The following NCOR1 variants were observed in gnomAD, a reference collection of about 807,000 sequenced individuals.
NCOR1 encodes the protein nuclear receptor corepressor 1, also known as protein phosphatase 1, regulatory subunit 109.
In NCOR1, 63 loss-of-function variants were observed where a neutral mutation model predicts 288.1. The observed-to-expected ratio is 0.22, with a 90% CI of 0.18 to 0.27. NCOR1 has a LOEUF of 0.27. Among genes scored for constraint, NCOR1 ranks in the 10% least tolerant of loss-of-function variants. The pLI is 1.00. For synonymous variants in NCOR1, 1,007 were observed against 1,065.9 expected, an observed-to-expected ratio of 0.94 and a Z score of 1.08; for missense variants, 2,397 against 3,019.2, an observed-to-expected ratio of 0.79 and a Z score of 4.83.
intron 8 of NCOR1, 123 bp downstream of exon 8, chr17:16,151,823 A>G: frequency 1.0e-6 from 1 of 971,368 alleles, no homozygotes; most frequent in Non-Finnish European, 1.6e-6. Context: ...AAACGACAGC[A>G]AATTACACAA....
chr17:16,092,198 A>C (rs2065280373), intron 21 of NCOR1, 140 bp from the exon 22 acceptor site: 2 of 1,110,036 alleles, frequency 1.8e-6, no homozygotes, highest in East Asian at 5.2e-5. Context: ...TATCTTCAAG[A>C]ATAATGCTTA....
intron 10 of NCOR1, among the ~76,000 whole-genome samples, chr17:16,145,885 A>T (rs559442444): frequency 1.3e-5 from 2 of 152,256 alleles, no homozygotes; most frequent in African/African-American, 4.8e-5. Context: ...GTAGAGGGAG[A>T]TCAGATTGTT....
Position 16,165,048 on chromosome 17 carries a change from C to T in NCOR1, c.549G>A (p.Gln183=), listed in dbSNP as rs76375524. Reference sequence around the variant, plus strand: ...TTTCTCGATCTACACGATCCATACTCTGTATTAACTCTTCCTTTGAGAGTT... The same window carrying T: ...TTTCTCGATCTACACGATCCATACTTTGTATTAACTCTTCCTTTGAGAGTT... ...PSKLSKEELI[Q]SMDRVDREIA... Residue 183 remains glutamine (Q), a synonymous_variant, in exon 5 of 46, where the codon CAG becomes CAA. Transcript: ENST00000268712. 1 of 1,608,028 alleles carries T rather than the reference C, an allele frequency of 6.2e-7. No individual in the cohort carries two copies. The highest frequency in any genetic ancestry group is 8.5e-7 in the Non-Finnish European group (1 of 1,178,270).
chr17:16,070,360 C>G lies in NCOR1; in HGVS notation c.4318G>C (p.Ala1440Pro), dbSNP rs2061607250. The change falls in exon 31 of 46, where the codon GCA becomes CCA. Residue 1440 changes from alanine (A) to proline (P), a missense_variant. By Grantham distance (27) the Ala-to-Pro change is conservative (BLOSUM62 -1). Transcript: ENST00000268712. ...TGCCGGGAACGCACGGTCTCGCCTGCTTTCACATCCTCATATTTTCCCCGT... is the reference window on the plus strand; with the variant it reads ...TGCCGGGAACGCACGGTCTCGCCTGGTTTCACATCCTCATATTTTCCCCGT... ...VERGKYEDVK[A>P]GETVRSRHTS... 6.2e-7 allele frequency: 1 copy of G among 1,614,042 alleles called. No individual in the cohort carries two copies. The highest frequency in any genetic ancestry group is 1.3e-5 in the African/African-American group (1 of 74,900).
Position 16,149,486 on chromosome 17 carries a change from A to G in NCOR1, c.874T>C (p.Phe292Leu). The G allele has an allele frequency of 2.6e-6, 4 of 1,566,848 alleles. No individual in the cohort carries two copies. Among genetic ancestry groups the G allele is most frequent in the Non-Finnish European group, 3.5e-6 (4 of 1,149,170 alleles). The change falls in exon 9 of 46, where the codon TTT becomes CTT. Residue 292 changes from phenylalanine to leucine, a missense_variant. Physicochemically the swap from Phe to Leu is conservative, Grantham distance 22 (BLOSUM62 0). Around this residue, in one of 11 missense-constraint regions of NCOR1, gnomAD observed 51 missense variants for 127.6 expected, o/e 0.40. Coordinates refer to ENST00000268712, the MANE Select transcript of NCOR1 (RefSeq NM_006311.4). Reference protein sequence around the residue: ...NQVMRKKLILFFKRRNHARKQ... With the variant: ...NQVMRKKLILLFKRRNHARKQ... ...CTTGCATGATTTCTTCTTTTAAAAA[A>G]TAAAATGAGTTTTTTCCTCATCACC...
At chr17:16,109,982 T>C (rs2069672432) in intron 18 of NCOR1, among the ~76,000 whole-genome samples, 1 of 152,214 alleles carries the variant, frequency 6.6e-6, no homozygotes, top group African/African-American at 2.4e-5. Context: ...TCCACCCGCT[T>C]TGGCCTCCCA....
Position 16,039,564 on chromosome 17 carries a change from A to G in NCOR1, c.6824T>C (p.Phe2275Ser), listed in dbSNP as rs1335120990. The change falls in exon 44 of 46, where the codon TTT (phenylalanine) becomes TCT (serine). Residue 2275 changes from phenylalanine (F) to serine (S), a missense_variant. Phe to Ser is a radical substitution (Grantham distance 155). Coordinates refer to ENST00000268712, the MANE Select transcript of NCOR1 (RefSeq NM_006311.4). ...TCCATGATCCTCAACTTTGTCATCA[A>G]AGCTTCCCATGAGAGCCTTCCTGAT... is the stretch of plus-strand genomic sequence containing the variant. ...DIIRKALMGS[F>S]DDKVEDHGVV... 4.3e-6 allele frequency: 7 copies of G among 1,614,018 alleles called. 1 individual carries two copies. In the South Asian group the frequency reaches 6.6e-5, roughly 15 times the overall value.
chr17:16,126,019 C>A, intron 15 of NCOR1, 63 bp downstream of exon 15: 1 of 900,296 alleles, frequency 1.1e-6, no homozygotes, highest in Non-Finnish European at 1.6e-6. Context: ...CCTATATCTA[C>A]AAAAATAAAA....
intron 1 of NCOR1, among the ~76,000 whole-genome samples, chr17:16,213,345 T>C (rs1362675949): frequency 6.6e-6 from 1 of 151,326 alleles, no homozygotes; most frequent in Non-Finnish European, 1.5e-5. Flanking sequence ...ACAAAAAAAT[T>C]AGCCAGGCAT....
intron 22 of NCOR1, chr17:16,087,490 G>A (rs2064434808): frequency 6.0e-6 from 2 of 333,132 alleles, no homozygotes; most frequent in Non-Finnish European, 1.1e-5. Context: ...CACCCACAGA[G>A]AAGTTAAGAA....
rs142105041 is a variant in NCOR1 at position 16,046,989 on chromosome 17, C to G, written c.6641G>C (p.Arg2214Pro). 8 of 1,614,002 alleles carry G rather than the reference C, an allele frequency of 5.0e-6. No individual in the cohort carries two copies. The highest frequency in any genetic ancestry group is 6.8e-6 in the Non-Finnish European group (8 of 1,179,944). ...MVKSKKQEIFRKLNSSGGGDS... is the reference protein window; with the variant it reads ...MVKSKKQEIFPKLNSSGGGDS... Reference sequence around the variant, plus strand: ...ACCTCCACCAGAGGAGTTCAACTTACGAAAAATCTCCTGCTTCTTTGATTT... The same window carrying G: ...ACCTCCACCAGAGGAGTTCAACTTAGGAAAAATCTCCTGCTTCTTTGATTT... Residue 2214 changes from arginine (R) to proline (P), a missense_variant, in exon 42 of 46, where the codon CGT becomes CCT. This residue lies in a region of NCOR1 where 1,872 missense variants were observed against 2,187.8 expected (regional missense o/e 0.86). Transcript: ENST00000268712.
In NCOR1 at chr17:16,171,719, C is replaced by CT. The variant is rs1002143136; in HGVS notation, c.435+83dup. 8.3e-5 allele frequency: 104 copies of CT among 1,255,914 alleles called. No individual in the cohort carries two copies. In the African/African-American group the frequency reaches 1.5e-3, roughly 18 times the overall value. The allele number at this position is 1,255,914 out of a possible 1,614,324, so 77.8% of individuals were successfully genotyped here. A position where few individuals can be genotyped will look rare whatever the true frequency, so the allele number is the denominator to read the frequency against. On this transcript the variant is annotated intron_variant, in intron 4 of 45. Coordinates refer to ENST00000268712, the MANE Select transcript of NCOR1 (RefSeq NM_006311.4). Reference sequence around the variant, plus strand: ...ACCTTTAGAGACTGGTGTAACTGGACTTTCTTTGAGGTGCTATGCATGAGT... The same window carrying CT: ...ACCTTTAGAGACTGGTGTAACTGGACTTTTCTTTGAGGTGCTATGCATGAGT...
intron 23 of NCOR1, 128 bp downstream of exon 23, chr17:16,086,154 T>C: frequency 2.8e-6 from 3 of 1,073,600 alleles, no homozygotes; most frequent in African/African-American, 1.6e-5. Context: ...GGTCATTATC[T>C]CTTGAAACTT....
At chr17:16,159,413 C>CAAAAAAAAAAA (rs35243097) in intron 5 of NCOR1, among the ~76,000 whole-genome samples, 1 of 66,296 alleles carries the variant, frequency 1.5e-5, no homozygotes, top group African/African-American at 6.0e-5. Flanking sequence ...AACTCTATCT[C>CAAAAAAAAAAA]AAAAAAAAAA....
At chr17:16,122,310 T>A (rs1333185486) in intron 15 of NCOR1, among the ~76,000 whole-genome samples, 2 of 152,186 alleles carry the variant, frequency 1.3e-5, no homozygotes, top group Non-Finnish European at 2.9e-5. Context: ...AGATGCTGAT[T>A]TTTTTCAAAA....
rs573864494 is a variant in NCOR1, at chr17:16,076,121, G to T, written c.3502-419C>A. Among the ~76,000 whole-genome samples the T allele has an allele frequency of 9.2e-5, 14 of 152,216 alleles. No homozygotes were observed. The East Asian group carries it at 2.3e-3, about 25-fold the overall frequency. The stretch of plus-strand genomic sequence containing the variant: ...CTGGAATACATTCTTAAATAAATGT[G>T]GTTAAGTTCTTGTTTTCTTCTGAAT... On this transcript the variant is annotated intron_variant, in intron 26 of 45. Coordinates refer to ENST00000268712, the MANE Select transcript of NCOR1 (RefSeq NM_006311.4).
rs577000952 is a variant in NCOR1 at position 16,042,277 on chromosome 17, T to C, written c.6680-1783A>G. 2.0e-4 allele frequency among the ~76,000 whole-genome samples: 30 copies of C among 148,764 alleles called. No homozygotes were observed. In the South Asian group the frequency reaches 5.9e-3, roughly 29 times the overall value. ...AGCCTGAAACAGCAGAGCCCTGTTA[T>C]CATGAAGTGTGTGGAACAGGAGTCA... is the stretch of plus-strand genomic sequence containing the variant. On this transcript the variant is annotated intron_variant, in intron 42 of 45. Coordinates refer to ENST00000268712, the MANE Select transcript of NCOR1 (RefSeq NM_006311.4).
At chr17:16,039,019 T>A (rs1452646171) in intron 44 of NCOR1, among the ~76,000 whole-genome samples, 1 of 152,206 alleles carries the variant, frequency 6.6e-6, no homozygotes, top group Non-Finnish European at 1.5e-5. Flanking sequence ...TCCGCCCGCC[T>A]CCGCCCCCCA....
intron 3 of NCOR1, among the ~76,000 whole-genome samples, chr17:16,181,466 A>C (rs1309151467): frequency 6.6e-6 from 1 of 151,852 alleles, no homozygotes; most frequent in African/African-American, 2.4e-5. Context: ...TAGAGAAATA[A>C]GGAGATGGAG....
Sources: allele counts gnomAD v4.1 joint callset (sites outside exome capture counted in the v4.1 genomes callset), GRCh38; gene constraint gnomAD v4.1.1; regional missense constraint gnomAD v4.1.1; transcripts MANE v1.5; gene names NCBI Gene and HGNC (gene_info 2026-07-23, HGNC 2026-07-21).